The following IQCH variants were observed in gnomAD, a reference collection of about 807,000 sequenced individuals.
IQCH encodes IQ motif containing H.
Under a neutral mutation model 117.0 loss-of-function variants are expected in IQCH, and 98 were observed. That is an observed-to-expected ratio of 0.84 (90% CI 0.71 to 0.99). IQCH has a LOEUF of 0.99. Among genes scored for constraint, IQCH ranks in the 50% least tolerant of loss-of-function variants. The pLI, the probability that IQCH is intolerant of heterozygous loss-of-function variation, is 0.00. For missense variants in IQCH, 1,102 were observed against 1,243.8 expected, an observed-to-expected ratio of 0.89 and a Z score of 1.72; for synonymous variants, 412 against 448.2, an observed-to-expected ratio of 0.92 and a Z score of 1.02.
chr15:67,304,026 T>C (rs1967179902), intron 4 of IQCH, among the ~76,000 whole-genome samples: 1 of 152,120 alleles, frequency 6.6e-6, no homozygotes, highest in Non-Finnish European at 1.5e-5. Context: ...TAAAAAGAAA[T>C]TAAGACCAGG....
At chr15:67,339,536 A>T (rs1424565723) in intron 5 of IQCH, among the ~76,000 whole-genome samples, 1 of 152,328 alleles carries the variant, frequency 6.6e-6, no homozygotes, top group East Asian at 1.9e-4. Flanking sequence ...TATTTGCATT[A>T]TGATCAGTTA....
intron 4 of IQCH, among the ~76,000 whole-genome samples, chr15:67,310,871 G>A (rs956001645): frequency 2.0e-5 from 3 of 152,040 alleles, no homozygotes; most frequent in Non-Finnish European, 4.4e-5. Context: ...AGAGAAGGGT[G>A]GCGAGATATC....
rs185215581 is a variant in IQCH at position 67,422,980 on chromosome 15, T to G, written c.2505+1403T>G. On this transcript the variant is annotated intron_variant, in intron 16 of 20. Transcript: ENST00000335894. This position sits in a 1 kb window ranked among gnomAD's most constrained non-coding sequence, Gnocchi z 4.7. The stretch of plus-strand genomic sequence containing the variant: ...TTGTTTTAGGATCATTATTCTCAGT[T>G]TTACAGTTCTCCATTTCAGTCAGAT... Among the ~76,000 whole-genome samples the G allele has an allele frequency of 6.6e-6, 1 of 152,346 alleles. No homozygotes were observed. The highest frequency in any genetic ancestry group is 2.4e-5 in the African/African-American group (1 of 41,570).
rs2081860565 is a variant in IQCH at position 67,425,404 on chromosome 15, G to C, written c.2505+3827G>C. Reference sequence around the variant, plus strand: ...CGAGGTGGGTGGATCACGAGGTCAGGAGTTCAAGACCAGCTTGGCCAATAT... The same window carrying C: ...CGAGGTGGGTGGATCACGAGGTCAGCAGTTCAAGACCAGCTTGGCCAATAT... On this transcript the variant is annotated intron_variant, in intron 16 of 20. Coordinates refer to ENST00000335894, the MANE Select transcript of IQCH (RefSeq NM_001031715.3). This position sits in a 1 kb window ranked among gnomAD's most constrained non-coding sequence, Gnocchi z 5.5. 6.6e-6 allele frequency among the ~76,000 whole-genome samples: 1 copy of C among 152,152 alleles called. No individual in the cohort carries two copies.
intron 4 of IQCH, among the ~76,000 whole-genome samples, chr15:67,328,862 G>C (rs1031568446): frequency 6.6e-6 from 1 of 152,166 alleles, no homozygotes; most frequent in Non-Finnish European, 1.5e-5. Context: ...AATTCAGAAT[G>C]CTGGCTGCCT....
At chr15:67,485,920 G>T (rs936072211) in intron 18 of IQCH, among the ~76,000 whole-genome samples, 2 of 151,858 alleles carry the variant, frequency 1.3e-5, no homozygotes, top group Non-Finnish European at 2.9e-5. Context: ...GCCTCCCAAA[G>T]TGCTGGGATT....
intron 4 of IQCH, among the ~76,000 whole-genome samples, chr15:67,296,159 G>T (rs1966851043): frequency 6.6e-6 from 1 of 152,192 alleles, no homozygotes; most frequent in Non-Finnish European, 1.5e-5. Context: ...AACCTACTAG[G>T]CTCTCAAGAA....
rs1473557076 is a variant in IQCH, at chr15:67,447,106, G to A, written c.2506-18021G>A. On this transcript the variant is annotated intron_variant, in intron 16 of 20. Coordinates refer to ENST00000335894, the MANE Select transcript of IQCH (RefSeq NM_001031715.3). The surrounding 1 kb of genome is among the most constrained non-coding windows in gnomAD (Gnocchi z 5.3). Reference sequence around the variant, plus strand: ...TGTCCTCGCCCTGCCGCTGAGCTGTGGAACTTGGCACGTTCTTGGGTTCTT... The same window carrying A: ...TGTCCTCGCCCTGCCGCTGAGCTGTAGAACTTGGCACGTTCTTGGGTTCTT... Among the ~76,000 whole-genome samples, 2 of 152,202 alleles carry A rather than the reference G, an allele frequency of 1.3e-5. No homozygotes were observed. Among genetic ancestry groups the A allele is most frequent in the African/African-American group, 4.8e-5 (2 of 41,444 alleles).
Position 67,254,802 on chromosome 15 carries a change from C to T in IQCH, c.-95C>T. The stretch of plus-strand genomic sequence containing the variant: ...TCCCAGCGTGGAACAGGCCAGGTCG[C>T]GCGCGGTGTTGCCATGGGGACGAGC... On this transcript the variant is annotated 5_prime_UTR_variant, in exon 1 of 21. Transcript: ENST00000335894. The T allele has an allele frequency of 7.8e-6, 11 of 1,411,798 alleles. No homozygotes were observed. Among genetic ancestry groups the T allele is most frequent in the Non-Finnish European group, 1.1e-5 (11 of 1,016,454 alleles). 87.5% of individuals were successfully genotyped at this position (1,411,798 alleles called of 1,614,324 possible).
intron 20 of IQCH, among the ~76,000 whole-genome samples, chr15:67,495,766 A>G (rs8028320): frequency 0.87 from 132,427 of 152,246 alleles, 57,674 homozygotes; most frequent in African/African-American, 0.91. Context: ...AAAGTCAGAT[A>G]TTCTTAGGTA....
rs149513913 is a variant in IQCH, at chr15:67,277,015, G to A, written c.270-2380G>A. Among the ~76,000 whole-genome samples, 226 of 152,058 alleles carry A rather than the reference G, an allele frequency of 1.5e-3. 1 individual carries two copies. The highest frequency in any genetic ancestry group is 5.3e-3 in the African/African-American group (219 of 41,458). ...TTGTTCATTCTCTTTTCATCTTTGC[G>A]TTTCACTTTGAGGAGTTTATATTGA... On this transcript the variant is annotated intron_variant, in intron 3 of 20. Transcript: ENST00000335894.
intron 16 of IQCH, among the ~76,000 whole-genome samples, chr15:67,434,785 C>CTTTTTT (rs775675138): frequency 3.2e-5 from 4 of 126,844 alleles, no homozygotes; most frequent in African/African-American, 5.9e-5. Context: ...CTTTTCTTTT[C>CTTTTTT]TTTTTTTTTT....
chr15:67,455,139 T>C (rs1265578338), intron 16 of IQCH, among the ~76,000 whole-genome samples: 2 of 150,812 alleles, frequency 1.3e-5, no homozygotes, highest in Admixed American at 6.6e-5. Flanking sequence ...TCAAGGAAGA[T>C]TTTTTTCCCC....
At position 67,342,238 on chromosome 15, in the gene IQCH, A is replaced by G. The variant is rs1351995580; in HGVS notation, c.509-1825A>G. 6.6e-6 allele frequency among the ~76,000 whole-genome samples: 1 copy of G among 152,140 alleles called. No homozygotes were observed. Among genetic ancestry groups the G allele is most frequent in the African/African-American group, 2.4e-5 (1 of 41,436 alleles). ...GCTATGATGGTGCCACTGCACTCCAACCTGATCAACAGAATGAGACCCTGT... is the reference window on the plus strand; with the variant it reads ...GCTATGATGGTGCCACTGCACTCCAGCCTGATCAACAGAATGAGACCCTGT... On this transcript the variant is annotated intron_variant, in intron 5 of 20. Transcript: ENST00000335894. This position sits in a 1 kb window ranked among gnomAD's most constrained non-coding sequence, Gnocchi z 4.7.
rs1966132277 is a variant in IQCH at position 67,276,555 on chromosome 15, G to A, written c.270-2840G>A. Among the ~76,000 whole-genome samples the A allele has an allele frequency of 2.6e-5, 4 of 152,166 alleles. No homozygotes were observed. The South Asian group carries it at 8.3e-4, about 32-fold the overall frequency. On this transcript the variant is annotated intron_variant, in intron 3 of 20. Transcript: ENST00000335894. Reference sequence around the variant, plus strand: ...CAACAAATTCTCTTAGTTGTTATTTGTCTCAAAACATCTTTATTTCCTCTT... The same window carrying A: ...CAACAAATTCTCTTAGTTGTTATTTATCTCAAAACATCTTTATTTCCTCTT...
intron 2 of IQCH, 62 bp from the exon 3 acceptor site, chr15:67,263,060 G>A (rs1965523884): frequency 5.7e-6 from 5 of 873,346 alleles, no homozygotes; most frequent in Non-Finnish European, 9.7e-6. Flanking sequence ...ACCTAATGAA[G>A]TAAATTAGCT....
At chr15:67,394,552 G>T (rs2140853120) in intron 12 of IQCH, among the ~76,000 whole-genome samples, 1 of 152,224 alleles carries the variant, frequency 6.6e-6, no homozygotes. Context: ...GTTAGTTTTG[G>T]TGTATGCTGT....
rs1567194051 is a variant in IQCH, at chr15:67,443,537, TG to T, written c.2506-21589del. 6.6e-6 allele frequency among the ~76,000 whole-genome samples: 1 copy of T among 152,146 alleles called. No individual in the cohort carries two copies. Among genetic ancestry groups the T allele is most frequent in the Admixed American group, 6.5e-5 (1 of 15,276 alleles). ...AAATCACCACAAAAGAACTTACTCA[TG>T]TAACCAAATACCACCTGTACCCCAG... On this transcript the variant is annotated intron_variant, in intron 16 of 20. Transcript: ENST00000335894. The surrounding 1 kb of genome is among the most constrained non-coding windows in gnomAD (Gnocchi z 5.0).
chr15:67,463,684 C>T lies in IQCH; in HGVS notation c.2506-1443C>T, dbSNP rs2082858173. 6.6e-6 allele frequency among the ~76,000 whole-genome samples: 1 copy of T among 152,208 alleles called. No individual in the cohort carries two copies. Among genetic ancestry groups the T allele is most frequent in the African/African-American group, 2.4e-5 (1 of 41,450 alleles). On this transcript the variant is annotated intron_variant, in intron 16 of 20. Transcript: ENST00000335894. This position sits in a 1 kb window ranked among gnomAD's most constrained non-coding sequence, Gnocchi z 4.0. ...GTGTTTTTGTTGCTTGTTTAAAGCT[C>T]AAAGGTCACCTTCATGATGCAGCCC...
Sources: allele counts gnomAD v4.1 joint callset (sites outside exome capture counted in the v4.1 genomes callset), GRCh38; gene constraint gnomAD v4.1.1; non-coding constraint Gnocchi (gnomAD v3.1); transcripts MANE v1.5; gene names NCBI Gene and HGNC (gene_info 2026-07-23, HGNC 2026-07-21).